Variants in TIGAR observed in about 807,000 individuals in gnomAD.
TIGAR encodes fructose-2,6-bisphosphatase TIGAR.
In TIGAR, 7 loss-of-function variants were observed where a neutral mutation model predicts 17.9. That is an observed-to-expected ratio of 0.39 (90% CI 0.22 to 0.73). The LOEUF is 0.73. TIGAR is among the 30% of genes least tolerant of loss of function. TIGAR has a pLI of 0.42. For missense variants in TIGAR, 258 were observed against 327.4 expected, an observed-to-expected ratio of 0.79 and a Z score of 1.64; for synonymous variants, 94 against 108.6, an observed-to-expected ratio of 0.87 and a Z score of 0.84.
At position 4,356,162 on chromosome 12, in the gene TIGAR, A is replaced by G. The variant is rs1006078656; in HGVS notation, c.*3471A>G. Among the ~76,000 whole-genome samples, 1 of 152,160 alleles carries G rather than the reference A, an allele frequency of 6.6e-6. No homozygotes were observed. Among genetic ancestry groups the G allele is most frequent in the Non-Finnish European group, 1.5e-5 (1 of 68,018 alleles). ...GAGCACAAGGTTGGAGGCAGGGAAG[A>G]TGGCAGCACTGGCTGTTGGGCCATT... is the stretch of plus-strand genomic sequence containing the variant. On this transcript the variant is annotated 3_prime_UTR_variant, in exon 6 of 6. Transcript: ENST00000179259.
chr12:4,358,392 G>A lies in TIGAR; in HGVS notation c.*5701G>A, dbSNP rs1410734495. ...GTGTGTTTTGGTAATCTTTTATCTT[G>A]GATTTATCAAACCTACAGAAAAGTT... On this transcript the variant is annotated 3_prime_UTR_variant, in exon 6 of 6. Coordinates refer to ENST00000179259, the MANE Select transcript of TIGAR (RefSeq NM_020375.3). Among the ~76,000 whole-genome samples, 2 of 151,952 alleles carry A rather than the reference G, an allele frequency of 1.3e-5. No homozygotes were observed. The highest frequency in any genetic ancestry group is 2.4e-5 in the African/African-American group (1 of 41,366).
intron 2 of TIGAR, among the ~76,000 whole-genome samples, chr12:4,335,124 G>A (rs902836794): frequency 1.4e-4 from 21 of 151,876 alleles, no homozygotes; most frequent in African/African-American, 5.1e-4. Context: ...TGCAACCTCC[G>A]CCTCCTGGGC....
At chr12:4,325,681 G>T (rs1864538404) in intron 1 of TIGAR, among the ~76,000 whole-genome samples, 1 of 149,610 alleles carries the variant, frequency 6.7e-6, no homozygotes, top group African/African-American at 2.5e-5. Flanking sequence ...GGTAGAGGTT[G>T]CAGTGAGCCC....
intron 3 of TIGAR, among the ~76,000 whole-genome samples, chr12:4,346,082 C>A (rs1399994681): frequency 6.6e-6 from 1 of 152,100 alleles, no homozygotes; most frequent in African/African-American, 2.4e-5. Context: ...GTTAGAATGG[C>A]AATCATTAAA....
rs928741904 is a variant in TIGAR at position 4,321,992 on chromosome 12, ATT to A, written c.32+693_32+694del. On this transcript the variant is annotated intron_variant, in intron 1 of 5. Transcript: ENST00000179259. The surrounding 1 kb of genome is among the most constrained non-coding windows in gnomAD (Gnocchi z 5.2). ...AGGGTAGTTAAGAGCACAGATTTTT[ATT>A]TTTATTTTTTTTTTTTTGTGAGATG... 8.7e-6 allele frequency among the ~76,000 whole-genome samples: 1 copy of A among 114,942 alleles called. No homozygotes were observed. The highest frequency in any genetic ancestry group is 1.9e-5 in the Non-Finnish European group (1 of 51,378). 75.4% of individuals were successfully genotyped at this position (114,942 alleles called of 152,430 possible).
rs1481344092 is a variant in TIGAR at position 4,352,689 on chromosome 12, T to G, written c.811T>G (p.Ter271GluextTer2). ...DHLNGLTETR[*>E] ...TCTAAATGGACTGACTGAAACTCGCTAAGGTTAAATCTGCATCAAAATCTA... is the reference window on the plus strand; with the variant it reads ...TCTAAATGGACTGACTGAAACTCGCGAAGGTTAAATCTGCATCAAAATCTA... Residue 271 changes from the stop codon to glutamate, a stop_lost, in exon 6 of 6, where the codon TAA (stop) becomes GAA (glutamate). Coordinates refer to ENST00000179259, the MANE Select transcript of TIGAR (RefSeq NM_020375.3). The G allele has an allele frequency of 1.3e-6, 2 of 1,598,770 alleles. No homozygotes were observed. Among genetic ancestry groups the G allele is most frequent in the Admixed American group, 3.3e-5 (2 of 59,896 alleles).
intron 3 of TIGAR, among the ~76,000 whole-genome samples, chr12:4,338,970 T>C (rs117936485): frequency 0.19 from 14,471 of 75,420 alleles, 1,141 homozygotes; most frequent in South Asian, 0.32. Flanking sequence ...AGCAAAACTT[T>C]GTCTCACAAA....
chr12:4,332,678 T>C (rs1046988191), intron 2 of TIGAR, among the ~76,000 whole-genome samples: 1 of 152,238 alleles, frequency 6.6e-6, no homozygotes, highest in Non-Finnish European at 1.5e-5. Context: ...GCTTTTGTGT[T>C]CTGTCAGTAT....
chr12:4,350,634 G>A lies in TIGAR; in HGVS notation c.271-633G>A, dbSNP rs562523670. ...CTACTAAAAATACAAAAAATTAGCC[G>A]GGTGTGGTGGCACGCGCCTGTAGTC... is the stretch of plus-strand genomic sequence containing the variant. On this transcript the variant is annotated intron_variant, in intron 4 of 5. Coordinates refer to ENST00000179259, the MANE Select transcript of TIGAR (RefSeq NM_020375.3). Among the ~76,000 whole-genome samples the A allele has an allele frequency of 2.0e-4, 30 of 152,106 alleles. No homozygotes were observed. The South Asian group carries it at 4.6e-3, about 23-fold the overall frequency.
chr12:4,346,990 G>A (rs1308202247), intron 3 of TIGAR, among the ~76,000 whole-genome samples: 1 of 152,150 alleles, frequency 6.6e-6, no homozygotes, highest in Admixed American at 6.6e-5. Context: ...ATTGTTTGGA[G>A]GGAGGTTCCT....
At position 4,359,452 on chromosome 12, in the gene TIGAR, T is replaced by C. The variant is rs576826860; in HGVS notation, c.*6761T>C. ...CAGCTTTTTCTCTAAAGAGCCCTGG[T>C]TCTTTGGAAATGAAATGAAAGACGC... is the stretch of plus-strand genomic sequence containing the variant. On this transcript the variant is annotated 3_prime_UTR_variant, in exon 6 of 6. Transcript: ENST00000179259. Among the ~76,000 whole-genome samples, 1 of 152,130 alleles carries C rather than the reference T, an allele frequency of 6.6e-6. No homozygotes were observed. Among genetic ancestry groups the C allele is most frequent in the Admixed American group, 6.5e-5 (1 of 15,268 alleles).
At chr12:4,337,209 C>G in intron 3 of TIGAR, 49 bp downstream of exon 3, 1 of 1,449,354 alleles carries the variant, frequency 6.9e-7, no homozygotes, top group Non-Finnish European at 9.5e-7. Flanking sequence ...ACTCTATGCC[C>G]AGGCTGGAGT....
rs1006400061 is a variant in TIGAR, at chr12:4,355,670, A to C, written c.*2979A>C. Among the ~76,000 whole-genome samples, 1 of 152,264 alleles carries C rather than the reference A, an allele frequency of 6.6e-6. No homozygotes were observed. The highest frequency in any genetic ancestry group is 1.5e-5 in the Non-Finnish European group (1 of 68,044). On this transcript the variant is annotated 3_prime_UTR_variant, in exon 6 of 6. Transcript: ENST00000179259. ...ATGATAAAGCTGTGAATATGTAGCC[A>C]TGAACCAAAACAAAGTCTCTGTCCT...
intron 1 of TIGAR, among the ~76,000 whole-genome samples, chr12:4,329,102 C>G (rs567048507): frequency 6.6e-6 from 1 of 152,052 alleles, no homozygotes; most frequent in African/African-American, 2.4e-5. Flanking sequence ...TTACTCTATA[C>G]CCTGCTTTTT....
rs528456607 is a variant in TIGAR, at chr12:4,357,278, C to G, written c.*4587C>G. ...TAAATGGTTCTATTATATGTCTTCA[C>G]TATATTAAGGTCAGTCACAATTTAA... On this transcript the variant is annotated 3_prime_UTR_variant, in exon 6 of 6. Coordinates refer to ENST00000179259, the MANE Select transcript of TIGAR (RefSeq NM_020375.3). Among the ~76,000 whole-genome samples the G allele has an allele frequency of 1.7e-4, 26 of 152,248 alleles. No individual in the cohort carries two copies. The highest frequency in any genetic ancestry group is 6.3e-4 in the African/African-American group (26 of 41,512).
intron 1 of TIGAR, among the ~76,000 whole-genome samples, chr12:4,328,818 G>A (rs998929657): frequency 1.3e-5 from 2 of 151,924 alleles, no homozygotes; most frequent in Non-Finnish European, 2.9e-5. Flanking sequence ...CTCGTGATCT[G>A]CCCACCTCGG....
Position 4,356,381 on chromosome 12 carries a change from T to C in TIGAR, c.*3690T>C, listed in dbSNP as rs1193828042. On this transcript the variant is annotated 3_prime_UTR_variant, in exon 6 of 6. Transcript: ENST00000179259. ...TTATTTGTAATATTTTCCCGGTTTT[T>C]GATTGTTTTTTAACAAATGAATTTT... Among the ~76,000 whole-genome samples the C allele has an allele frequency of 6.6e-6, 1 of 152,130 alleles. No individual in the cohort carries two copies. Among genetic ancestry groups the C allele is most frequent in the Non-Finnish European group, 1.5e-5 (1 of 68,046 alleles).
intron 3 of TIGAR, among the ~76,000 whole-genome samples, 155 bp from the exon 4 acceptor site, chr12:4,349,664 G>A (rs934686453): frequency 4.6e-5 from 7 of 152,072 alleles, no homozygotes; most frequent in African/African-American, 1.4e-4. Flanking sequence ...TGATCCACCC[G>A]CCTCAGCCTC....
chr12:4,337,000 G>C (rs767833226), intron 2 of TIGAR, 39 bp from the exon 3 acceptor site: 1 of 1,544,968 alleles, frequency 6.5e-7, no homozygotes, highest in East Asian at 2.3e-5. Flanking sequence ...CTGATATGTA[G>C]TTTTGAATGT....
Sources: gnomAD v4.1 joint callset for allele counts (sites outside exome capture counted in the v4.1 genomes callset) on GRCh38, gnomAD v4.1.1 for gene constraint, Gnocchi (gnomAD v3.1) non-coding constraint, MANE v1.5 for transcripts, NCBI Gene and HGNC (gene_info 2026-07-23, HGNC 2026-07-21) for gene names.